SMURF1: variants seen among roughly 807,000 people sequenced by gnomAD.
The protein encoded by SMURF1 is SMAD specific E3 ubiquitin protein ligase 1.
A neutral mutation model predicts 98.0 loss-of-function variants in SMURF1; 44 were observed. The ratio of observed to expected loss-of-function variants is 0.45; its 90% CI spans 0.35 to 0.58. The LOEUF is 0.58. Among genes scored for constraint, SMURF1 ranks in the 20% least tolerant of loss-of-function variants. The pLI, the probability that SMURF1 is intolerant of heterozygous loss-of-function variation, is 0.00. For synonymous variants in SMURF1, 396 were observed against 374.9 expected (o/e 1.06, Z -0.65); for missense variants, 687 against 938.4 (o/e 0.73, Z 3.50).
At chr7:99,085,081 T>C (rs931085071) in intron 1 of SMURF1, among the ~76,000 whole-genome samples, 1 of 152,104 alleles carries the variant, frequency 6.6e-6, no homozygotes, top group Non-Finnish European at 1.5e-5. Flanking sequence ...CCGGGCACGG[T>C]GGCTCACACC....
intron 1 of SMURF1, among the ~76,000 whole-genome samples, chr7:99,100,204 G>A (rs1007610862): frequency 4.6e-5 from 7 of 151,918 alleles, no homozygotes; most frequent in African/African-American, 1.7e-4. Flanking sequence ...AAGGAAAGAT[G>A]TTGTACTCTA....
At chr7:99,033,199 A>AGGG (rs1200795878) in intron 16 of SMURF1, 78 bp from the exon 17 acceptor site, 1 of 1,435,574 alleles carries the variant, frequency 7.0e-7, no homozygotes, top group Non-Finnish European at 9.6e-7. Flanking sequence ...CCCCAGGAGC[A>AGGG]GGGCCCTGAC....
chr7:99,106,369 A>G (rs1483891657), intron 1 of SMURF1, among the ~76,000 whole-genome samples: 1 of 152,182 alleles, frequency 6.6e-6, no homozygotes, highest in East Asian at 1.9e-4. Context: ...CTAAAAACCT[A>G]TCATTAAGAT....
At chr7:99,073,310 C>T (rs1036194696) in intron 1 of SMURF1, among the ~76,000 whole-genome samples, 2 of 150,030 alleles carry the variant, frequency 1.3e-5, no homozygotes, top group African/African-American at 2.5e-5. Context: ...ACCTGGGAGG[C>T]GTGGGTTGCA....
intron 13 of SMURF1, among the ~76,000 whole-genome samples, chr7:99,038,789 G>T (rs1795257164): frequency 6.6e-6 from 1 of 152,244 alleles, no homozygotes; most frequent in South Asian, 2.1e-4. Flanking sequence ...GTGATTTCAG[G>T]GGACCCACAA....
At chr7:99,118,540 A>C (rs1797514313) in intron 1 of SMURF1, among the ~76,000 whole-genome samples, 1 of 152,240 alleles carries the variant, frequency 6.6e-6, no homozygotes, top group Non-Finnish European at 1.5e-5. Context: ...AAACCAACAC[A>C]AAAGGCCACA....
At chr7:99,080,969 G>A (rs1796566464) in intron 1 of SMURF1, 1 of 152,292 alleles carries the variant, frequency 6.6e-6, no homozygotes, top group African/African-American at 2.4e-5. Context: ...GAAGCCCGAA[G>A]CCACCGAACT....
rs1418681575 is a variant in SMURF1, at chr7:99,057,245, T to G, written c.363A>C (p.Leu121=). 4 of 1,614,114 alleles carry G rather than the reference T, an allele frequency of 2.5e-6. No homozygotes were observed. The South Asian group carries it at 4.4e-5, about 18-fold the overall frequency. ...GAACTGCATCAGTATCTGAGGGGTT[T>G]AGTTTGCATAGATCCAAACGCTGGT... The part of the protein sequence containing the change: ...TGYQRLDLCK[L]NPSDTDAVRG... The change falls in exon 5 of 18, where the codon CTA becomes CTC. Residue 121 remains leucine (L), a synonymous_variant. Transcript: ENST00000361368.
At chr7:99,108,472 C>T (rs868357953) in intron 1 of SMURF1, among the ~76,000 whole-genome samples, 3 of 149,426 alleles carry the variant, frequency 2.0e-5, no homozygotes, top group Admixed American at 6.7e-5. Context: ...ATTAACCGAG[C>T]GTGGTGGTGC....
At chr7:99,047,929 G>C (rs954140703) in intron 9 of SMURF1, 47 bp from the exon 10 acceptor site, 1 of 1,583,894 alleles carries the variant, frequency 6.3e-7, no homozygotes, top group African/African-American at 1.3e-5. Flanking sequence ...CCCGGCCAGG[G>C]GAGCTGCAAG....
At chr7:99,085,770 C>T (rs1796666075) in intron 1 of SMURF1, among the ~76,000 whole-genome samples, 1 of 152,196 alleles carries the variant, frequency 6.6e-6, no homozygotes, top group South Asian at 2.1e-4. Context: ...TCTCCCCGTC[C>T]CCTTGGCAAC....
intron 3 of SMURF1, among the ~76,000 whole-genome samples, chr7:99,059,909 C>CA (rs34628446): frequency 0.39 from 54,015 of 137,758 alleles, 10,016 homozygotes; most frequent in South Asian, 0.52. Context: ...GACTCCATCT[C>CA]AAAAAAAAAA....
At chr7:99,079,926 G>C (rs1042945231) in intron 1 of SMURF1, among the ~76,000 whole-genome samples, 2 of 151,658 alleles carry the variant, frequency 1.3e-5, no homozygotes, top group Admixed American at 1.3e-4. Context: ...AAAGATAATA[G>C]TGCAGGTTAA....
chr7:99,083,045 G>A (rs866018446), intron 1 of SMURF1, among the ~76,000 whole-genome samples: 4 of 152,030 alleles, frequency 2.6e-5, no homozygotes, highest in Admixed American at 6.6e-5. Context: ...GCATAGGATG[G>A]TGGGGCGGGG....
At chr7:99,093,829 T>C (rs558548941) in intron 1 of SMURF1, among the ~76,000 whole-genome samples, 1 of 152,184 alleles carries the variant, frequency 6.6e-6, no homozygotes, top group South Asian at 2.1e-4. Context: ...TATAAATTGA[T>C]CATAAGTAAA....
Position 99,143,799 on chromosome 7 carries a change from C to A in SMURF1, c.-19G>T, listed in dbSNP as rs766777422. On this transcript the variant is annotated 5_prime_UTR_variant, in exon 1 of 18. Coordinates refer to ENST00000361368, the MANE Select transcript of SMURF1 (RefSeq NM_181349.3). ...TCGACATCTCCCGCCAACGATCGGG[C>A]AGCCGCGGATCCAGCGCCACCGCCC... 1.9e-5 allele frequency: 30 copies of A among 1,548,996 alleles called. 1 individual carries two copies. The highest frequency in any genetic ancestry group is 2.5e-5 in the Non-Finnish European group (29 of 1,151,046).
intron 1 of SMURF1, among the ~76,000 whole-genome samples, chr7:99,104,740 A>G (rs1435282698): frequency 6.6e-6 from 1 of 152,116 alleles, no homozygotes; most frequent in Non-Finnish European, 1.5e-5. Context: ...ACTGCTTCCA[A>G]TTTTCTGCTA....
chr7:99,059,329 C>T (rs558748944), intron 3 of SMURF1, among the ~76,000 whole-genome samples: 4 of 132,084 alleles, frequency 3.0e-5, no homozygotes, highest in African/African-American at 8.4e-5. Context: ...ACCCGGGAGG[C>T]GGAGCTTGCA....
intron 1 of SMURF1, among the ~76,000 whole-genome samples, chr7:99,119,003 ATTTTTTTTTTTTTTTTTT>A (rs67705340): frequency 5.4e-4 from 23 of 42,930 alleles, no homozygotes; most frequent in South Asian, 2.6e-3. Flanking sequence ...TAACATGCCA[ATTTTTTTTTTTTTTTTTT>A]TTTTTTTTTT....
Sources: allele counts gnomAD v4.1 joint callset (sites outside exome capture counted in the v4.1 genomes callset), GRCh38; gene constraint gnomAD v4.1.1; transcripts MANE v1.5; gene names NCBI Gene and HGNC (gene_info 2026-07-23, HGNC 2026-07-21).